The following CDH18 variants were observed in gnomAD, a reference collection of about 807,000 sequenced individuals.
CDH18 encodes the protein cadherin 18.
A neutral mutation model predicts 67.9 loss-of-function variants in CDH18; 31 were observed. The ratio of observed to expected loss-of-function variants is 0.46; its 90% CI spans 0.34 to 0.62. The LOEUF is 0.62. CDH18 is among the 20% of genes least tolerant of loss of function. The probability of loss-of-function intolerance (pLI) is 0.01; values close to 1 mark genes in which losing one functional copy is unlikely to be tolerated. For synonymous variants in CDH18, 362 were observed against 347.2 expected, an observed-to-expected ratio of 1.04 and a Z score of -0.48; for missense variants, 890 against 975.5, an observed-to-expected ratio of 0.91 and a Z score of 1.17.
Position 20,460,915 on chromosome 5 carries a change from T to C in CDH18, c.-580+114547A>G, listed in dbSNP as rs1419987143. Among the ~76,000 whole-genome samples, 5 of 152,308 alleles carry C rather than the reference T, an allele frequency of 3.3e-5. No homozygotes were observed. The East Asian group carries it at 9.7e-4, about 29-fold the overall frequency. On this transcript the variant is annotated intron_variant, in intron 1 of 14. Transcript: ENST00000507958. ...ATGAGTAACTTAACTGAGTACATAA[T>C]TCGTACTGCAACTAACAGTGAAAAA...
At chr5:19,678,558 C>T (rs1759827018) in intron 5 of CDH18, among the ~76,000 whole-genome samples, 1 of 151,830 alleles carries the variant, frequency 6.6e-6, no homozygotes, top group Admixed American at 6.6e-5. Context: ...AATCTACTGT[C>T]ACACTTAGAG....
intron 5 of CDH18, among the ~76,000 whole-genome samples, chr5:19,613,639 T>C (rs1749362623): frequency 6.6e-6 from 1 of 152,168 alleles, no homozygotes; most frequent in Non-Finnish European, 1.5e-5. Flanking sequence ...CCATCTGTGA[T>C]TACGCATACA....
intron 1 of CDH18, among the ~76,000 whole-genome samples, chr5:20,260,461 TTGA>T (rs1744565670): frequency 6.6e-6 from 1 of 152,024 alleles, no homozygotes; most frequent in Non-Finnish European, 1.5e-5. Flanking sequence ...TTATACTGAC[TTGA>T]TGATATTTTG....
chr5:19,587,302 T>C (rs146459914), intron 7 of CDH18, among the ~76,000 whole-genome samples: 687 of 151,992 alleles, frequency 4.5e-3, no homozygotes, highest in Non-Finnish European at 7.2e-3. Flanking sequence ...TAACAGAACT[T>C]CTTTGTCAGT....
rs371841546 is a variant in CDH18, at chr5:20,525,450, G to A, written c.-580+50012C>T. Among the ~76,000 whole-genome samples the A allele has an allele frequency of 8.0e-4, 121 of 152,176 alleles. 1 individual carries two copies. The highest frequency in any genetic ancestry group is 2.9e-3 in the African/African-American group (120 of 41,546). The stretch of plus-strand genomic sequence containing the variant: ...AGCAACACCCTGGAAATCAGAGGGG[G>A]CAGATGGCTCCATGTTCCAGGACAC... On this transcript the variant is annotated intron_variant, in intron 1 of 14. Transcript: ENST00000507958.
At chr5:19,861,387 G>A (rs1439798251) in intron 2 of CDH18, among the ~76,000 whole-genome samples, 1 of 152,058 alleles carries the variant, frequency 6.6e-6, no homozygotes, top group Non-Finnish European at 1.5e-5. Context: ...GGCTAGGCTG[G>A]GTATACCAGA....
intron 2 of CDH18, among the ~76,000 whole-genome samples, chr5:20,070,540 G>A (rs939087058): frequency 6.6e-6 from 1 of 152,130 alleles, no homozygotes. Flanking sequence ...TTGAAAGAAT[G>A]AGTGCCGAAG....
intron 1 of CDH18, among the ~76,000 whole-genome samples, chr5:20,397,384 T>C (rs1427211610): frequency 1.3e-5 from 2 of 152,090 alleles, no homozygotes; most frequent in African/African-American, 4.8e-5. Context: ...CACTCCCCTT[T>C]GCCTCCCAAA....
At chr5:19,638,753 G>C (rs1753535381) in intron 5 of CDH18, among the ~76,000 whole-genome samples, 1 of 151,572 alleles carries the variant, frequency 6.6e-6, no homozygotes, top group African/African-American at 2.4e-5. Flanking sequence ...ACACAGTAAA[G>C]AAAAAAGACT....
chr5:19,814,508 A>AGGATCCCT (rs57111438), intron 3 of CDH18, among the ~76,000 whole-genome samples: 82,936 of 151,178 alleles, frequency 0.55, 23,003 homozygotes, highest in Middle Eastern at 0.67. Flanking sequence ...AATATTTAGC[A>AGGATCCCT]GGGCTCTACA....
intron 2 of CDH18, among the ~76,000 whole-genome samples, chr5:20,166,377 T>G (rs1305850203): frequency 1.4e-5 from 2 of 140,346 alleles, no homozygotes; most frequent in African/African-American, 5.3e-5. Context: ...GGGATGGAGG[T>G]TGTAGTGAGC....
chr5:20,395,196 G>A (rs1166247350), intron 1 of CDH18, among the ~76,000 whole-genome samples: 1 of 152,148 alleles, frequency 6.6e-6, no homozygotes, highest in Non-Finnish European at 1.5e-5. Context: ...AACGTAAGTG[G>A]CCATTAACTG....
chr5:20,380,100 G>A (rs2150098863), intron 1 of CDH18, among the ~76,000 whole-genome samples: 1 of 152,194 alleles, frequency 6.6e-6, no homozygotes, highest in South Asian at 2.1e-4. Flanking sequence ...GGATGAAATA[G>A]CACAAAGGAA....
At chr5:19,926,845 A>G (rs1045284724) in intron 2 of CDH18, among the ~76,000 whole-genome samples, 2 of 152,124 alleles carry the variant, frequency 1.3e-5, no homozygotes, top group African/African-American at 4.8e-5. Context: ...ATATATAGAT[A>G]TAAATATGTA....
intron 3 of CDH18, 89 bp from the exon 4 acceptor site, chr5:19,747,325 T>C (rs1770160660): frequency 2.7e-6 from 3 of 1,091,594 alleles, no homozygotes; most frequent in Admixed American, 4.7e-5. Context: ...ATAATTACTT[T>C]GGCTATGACT....
In CDH18 at chr5:19,483,367, G is replaced by C. The variant is rs755561896; in HGVS notation, c.1816C>G (p.Leu606Val). ...CCTGTACTCAAACCAGCCGAGGACA[G>C]GAAGGCTTCTGCATGGCAGGTCCGC... ...RVRTCHAEAF[L>V]SSAGLSTGAL... Residue 606 changes from leucine (L) to valine (V), a missense_variant, in exon 12 of 13, where the codon CTG (leucine) becomes GTG (valine). By Grantham distance (32) the Leu-to-Val change is conservative. Transcript: ENST00000382275. 3 of 1,614,096 alleles carry C rather than the reference G, an allele frequency of 1.9e-6. No homozygotes were observed. The highest frequency in any genetic ancestry group is 2.5e-6 in the Non-Finnish European group (3 of 1,180,008).
At chr5:20,458,345 C>T (rs1395097858) in intron 1 of CDH18, among the ~76,000 whole-genome samples, 1 of 152,108 alleles carries the variant, frequency 6.6e-6, no homozygotes, top group South Asian at 2.1e-4. Flanking sequence ...TGGCCAGGTG[C>T]GGTGGCTCAT....
At chr5:20,172,188 G>GTGTGTATATATATATATATATATATACA (rs1736772606) in intron 2 of CDH18, among the ~76,000 whole-genome samples, 1 of 15,166 alleles carries the variant, frequency 6.6e-5, no homozygotes, top group African/African-American at 2.8e-4. Context: ...ATAGCATTGT[G>GTGTGTATATATATATATATATATATACA]TGTATATATA....
At chr5:20,306,728 A>T in intron 1 of CDH18, among the ~76,000 whole-genome samples, 1 of 152,214 alleles carries the variant, frequency 6.6e-6, no homozygotes, top group Non-Finnish European at 1.5e-5. Flanking sequence ...TGTTTTTAAC[A>T]GTGAGGGTTA....
Sources: gnomAD v4.1 joint callset for allele counts (sites outside exome capture counted in the v4.1 genomes callset) on GRCh38, gnomAD v4.1.1 for gene constraint, MANE v1.5 for transcripts, NCBI Gene and HGNC (gene_info 2026-07-23, HGNC 2026-07-21) for gene names.